Variants in WDHD1 observed in about 807,000 individuals in gnomAD.
WDHD1 encodes the protein WD repeat and HMG-box DNA-binding protein 1.
A neutral mutation model predicts 135.4 loss-of-function variants in WDHD1; 111 were observed. The observed-to-expected ratio is 0.82, with a 90% CI of 0.70 to 0.96. The LOEUF is 0.96. WDHD1 is among the 40% of genes least tolerant of loss of function. The probability of loss-of-function intolerance (pLI) is 0.00; values close to 1 mark genes in which losing one functional copy is unlikely to be tolerated. For missense variants in WDHD1, 1,351 were observed against 1,336.3 expected, an observed-to-expected ratio of 1.01 and a Z score of -0.17; for synonymous variants, 434 against 439.0, an observed-to-expected ratio of 0.99 and a Z score of 0.14.
intron 3 of WDHD1, 134 bp downstream of exon 3, chr14:55,013,351 T>G: frequency 1.6e-6 from 1 of 614,832 alleles, no homozygotes; most frequent in African/African-American, 1.8e-5. Flanking sequence ...AGTTACGGCA[T>G]TATCATACAT....
chr14:55,000,169 A>C (rs962695686), intron 10 of WDHD1, among the ~76,000 whole-genome samples: 2 of 152,142 alleles, frequency 1.3e-5, no homozygotes, highest in African/African-American at 4.8e-5. Flanking sequence ...TTGACTAAGC[A>C]GAGGAGGTGT....
intron 2 of WDHD1, among the ~76,000 whole-genome samples, chr14:55,025,667 A>G (rs1043168694): frequency 6.6e-6 from 1 of 152,248 alleles, no homozygotes; most frequent in Non-Finnish European, 1.5e-5. Flanking sequence ...ATTCCTTAAT[A>G]AAGTCCAGAA....
chr14:54,961,853 T>A (rs2041256938), intron 21 of WDHD1, among the ~76,000 whole-genome samples: 2 of 151,888 alleles, frequency 1.3e-5, no homozygotes, highest in South Asian at 4.2e-4. Context: ...TTTTTTTTTT[T>A]TGAGATGGAG....
intron 21 of WDHD1, 51 bp from the exon 22 acceptor site, chr14:54,957,686 T>C: frequency 7.1e-7 from 1 of 1,411,256 alleles, no homozygotes; most frequent in Non-Finnish European, 9.8e-7. Flanking sequence ...ATAGATGACT[T>C]CTGACATCTA....
chr14:55,011,439 A>T (rs1481989645), intron 3 of WDHD1, among the ~76,000 whole-genome samples: 1 of 144,236 alleles, frequency 6.9e-6, no homozygotes, highest in Non-Finnish European at 1.5e-5. Context: ...GAGAAGAATC[A>T]CCTGAACCCG....
chr14:55,009,713 T>C (rs2042133861), intron 4 of WDHD1, among the ~76,000 whole-genome samples: 1 of 151,950 alleles, frequency 6.6e-6, no homozygotes, highest in Non-Finnish European at 1.5e-5. Context: ...ATTACAGGCA[T>C]GAGCCACGAC....
At chr14:54,990,954 T>C (rs1214903281) in intron 12 of WDHD1, among the ~76,000 whole-genome samples, 2 of 152,184 alleles carry the variant, frequency 1.3e-5, no homozygotes, top group Non-Finnish European at 2.9e-5. Context: ...TATTGCAAGA[T>C]AGTAATATTT....
intron 12 of WDHD1, 109 bp downstream of exon 12, chr14:54,991,104 G>A: frequency 1.7e-6 from 1 of 590,954 alleles, no homozygotes; most frequent in South Asian, 2.8e-5. Flanking sequence ...AGTGCTCCAG[G>A]CTACTTAATC....
At position 55,008,376 on chromosome 14, in the gene WDHD1, T is replaced by C. The variant is rs975155475; in HGVS notation, c.454-10A>G. On this transcript the variant is annotated splice_polypyrimidine_tract_variant and intron_variant, in intron 5 of 25. Coordinates refer to ENST00000360586, the MANE Select transcript of WDHD1 (RefSeq NM_007086.4). ...CACAACTAGCTGATGCCTGCAGGAATAAACAATACATTTCTCTATAGTCAT... is the reference window on the plus strand; with the variant it reads ...CACAACTAGCTGATGCCTGCAGGAACAAACAATACATTTCTCTATAGTCAT... 1.9e-6 allele frequency: 3 copies of C among 1,613,002 alleles called. No homozygotes were observed. The South Asian group carries it at 3.3e-5, about 18-fold the overall frequency.
chr14:55,013,282 G>C (rs2042203736), intron 3 of WDHD1, among the ~76,000 whole-genome samples: 1 of 149,248 alleles, frequency 6.7e-6, no homozygotes, highest in Non-Finnish European at 1.5e-5. Context: ...ATTAAAAAAA[G>C]GTATATCTAT....
In WDHD1 at chr14:55,013,354, T is replaced by C. The variant is rs2042205351; in HGVS notation, c.189+131A>G. ...AATGGTAGGGCAAGTTACGGCATTA[T>C]CATACATTTTAAAATATTATTTCAT... On this transcript the variant is annotated intron_variant, in intron 3 of 25. Coordinates refer to ENST00000360586, the MANE Select transcript of WDHD1 (RefSeq NM_007086.4). The C allele has an allele frequency of 1.1e-5, 7 of 637,076 alleles. No individual in the cohort carries two copies. In the South Asian group the frequency reaches 1.5e-4, roughly 13 times the overall value. The allele number at this position is 637,076 out of a possible 1,614,324, so 39.5% of individuals were successfully genotyped here. A position where few individuals can be genotyped will look rare whatever the true frequency, so the allele number is the denominator to read the frequency against.
intron 2 of WDHD1, among the ~76,000 whole-genome samples, chr14:55,025,112 G>A (rs1464774879): frequency 8.7e-6 from 1 of 115,196 alleles, no homozygotes; most frequent in African/African-American, 3.0e-5. Flanking sequence ...GGGAAAAACC[G>A]CCTTAGGGCT....
At chr14:54,942,146 G>A (rs894510529) in intron 25 of WDHD1, among the ~76,000 whole-genome samples, 5 of 152,038 alleles carry the variant, frequency 3.3e-5, no homozygotes, top group African/African-American at 9.7e-5. Flanking sequence ...AGCTACTTGG[G>A]AGGCTGAGGC....
chr14:55,013,692 G>T, intron 2 of WDHD1, 96 bp from the exon 3 acceptor site: 1 of 919,376 alleles, frequency 1.1e-6, no homozygotes. Flanking sequence ...GATTGCTTGA[G>T]GCCAGGAGTT....
chr14:54,962,544 G>A lies in WDHD1; in HGVS notation c.2655C>T (p.Asn885=). ...EKPEIHKPGQ[N]SFSKSTNSSD... ...AGGAATTTGTACTTTTGGAAAACGA[G>A]TTCTGTCCTACAGATTAAAATAAAG... The change falls in exon 21 of 26, where the codon AAC becomes AAT. Residue 885 remains asparagine (N), a synonymous_variant. Transcript: ENST00000360586. 1 of 1,609,400 alleles carries A rather than the reference G, an allele frequency of 6.2e-7. No individual in the cohort carries two copies. Among genetic ancestry groups the A allele is most frequent in the African/African-American group, 1.3e-5 (1 of 74,880 alleles).
chr14:55,013,164 C>T (rs1162608069), intron 3 of WDHD1, among the ~76,000 whole-genome samples: 3 of 120,512 alleles, frequency 2.5e-5, no homozygotes, highest in Admixed American at 9.8e-5. Flanking sequence ...AGTTTGAGAC[C>T]GGTCTGAGCA....
At chr14:55,000,399 T>C (rs1477389340) in intron 10 of WDHD1, 104 bp downstream of exon 10, 2 of 1,228,942 alleles carry the variant, frequency 1.6e-6, no homozygotes, top group East Asian at 5.4e-5. Context: ...TATAGTAACA[T>C]GAAAGGTAAT....
At chr14:55,010,024 G>C (rs1274336406) in intron 4 of WDHD1, among the ~76,000 whole-genome samples, 1 of 151,832 alleles carries the variant, frequency 6.6e-6, no homozygotes, top group Non-Finnish European at 1.5e-5. Flanking sequence ...TTGCCATGTT[G>C]GCCAGGCTGG....
At chr14:54,950,991 T>C (rs375883952) in intron 24 of WDHD1, among the ~76,000 whole-genome samples, 1 of 152,036 alleles carries the variant, frequency 6.6e-6, no homozygotes, top group Middle Eastern at 3.4e-3. Flanking sequence ...GGGACACATT[T>C]AAAGCAGTGT....
Sources: gnomAD v4.1 joint callset for allele counts (sites outside exome capture counted in the v4.1 genomes callset) on GRCh38, gnomAD v4.1.1 for gene constraint, MANE v1.5 for transcripts, NCBI Gene and HGNC (gene_info 2026-07-23, HGNC 2026-07-21) for gene names.